GTF2A1L: variants seen among roughly 807,000 people sequenced by gnomAD.
GTF2A1L encodes TFIIA-alpha and beta-like factor.
A neutral mutation model predicts 49.7 loss-of-function variants in GTF2A1L; 48 were observed. The ratio of observed to expected loss-of-function variants is 0.97; its 90% CI spans 0.77 to 1.23. The LOEUF is 1.23. Ranked by LOEUF, GTF2A1L falls within the 50% of genes most tolerant of loss-of-function variation. The pLI is 0.00. For missense variants in GTF2A1L, 736 were observed against 564.8 expected, an observed-to-expected ratio of 1.30 and a Z score of -3.07; for synonymous variants, 246 against 193.5, an observed-to-expected ratio of 1.27 and a Z score of -2.25.
At chr2:48,658,973 G>T (rs1408196617) in intron 6 of GTF2A1L, among the ~76,000 whole-genome samples, 2 of 152,062 alleles carry the variant, frequency 1.3e-5, no homozygotes, top group Non-Finnish European at 2.9e-5. Flanking sequence ...ATATGAAATT[G>T]TTGGTTGGAA....
At chr2:48,637,032 G>A (rs962949766) in intron 3 of GTF2A1L, among the ~76,000 whole-genome samples, 11 of 152,188 alleles carry the variant, frequency 7.2e-5, no homozygotes, top group Non-Finnish European at 2.9e-5. Flanking sequence ...GGTGTAAACT[G>A]TATGTCCGAT....
At chr2:48,644,007 A>T (rs896957754) in intron 4 of GTF2A1L, among the ~76,000 whole-genome samples, 1 of 151,728 alleles carries the variant, frequency 6.6e-6, no homozygotes, top group African/African-American at 2.4e-5. Context: ...CCTGTACAAA[A>T]TTTTTTTAAA....
At chr2:48,678,517 T>C (rs148161487) in intron 8 of GTF2A1L, among the ~76,000 whole-genome samples, 269 of 152,218 alleles carry the variant, frequency 1.8e-3, no homozygotes, top group Admixed American at 3.1e-3. Flanking sequence ...TAAATTTTAC[T>C]CTTGATCTCA....
chr2:48,656,520 T>G (rs1412756929), intron 6 of GTF2A1L, among the ~76,000 whole-genome samples: 11 of 152,110 alleles, frequency 7.2e-5, no homozygotes, highest in Non-Finnish European at 1.5e-4. Flanking sequence ...TTCAAGTCCT[T>G]TGCCCATTTT....
intron 8 of GTF2A1L, among the ~76,000 whole-genome samples, chr2:48,678,798 C>T (rs1284321787): frequency 6.6e-6 from 1 of 151,930 alleles, no homozygotes; most frequent in Non-Finnish European, 1.5e-5. Context: ...TACATCTTCC[C>T]TGTTTATTCC....
chr2:48,647,070 A>G (rs1677561525), intron 6 of GTF2A1L, 28 bp downstream of exon 6: 3 of 1,536,952 alleles, frequency 2.0e-6, no homozygotes, highest in Non-Finnish European at 2.6e-6. Flanking sequence ...ACTTCTTGGT[A>G]TCAGGGGACA....
intron 6 of GTF2A1L, among the ~76,000 whole-genome samples, chr2:48,649,345 C>T (rs776759629): frequency 6.6e-6 from 1 of 152,026 alleles, no homozygotes; most frequent in Non-Finnish European, 1.5e-5. Flanking sequence ...CCTTCATCTC[C>T]ACTCCTAGTG....
In GTF2A1L at chr2:48,669,739, G is replaced by T. The variant is rs757333018; in HGVS notation, c.996G>T (p.Val332=). The stretch of plus-strand genomic sequence containing the variant: ...CTTTTTAGGATTCTAATTCTCAGGT[G>T]GATTTAAGCATTCGGGTTACTGATG... ...PVSEKDSNSQ[V]DLSIRVTDDD... is the part of the protein sequence containing the mutation. The change falls in exon 7 of 9, where the codon GTG becomes GTT. Residue 332 remains valine (V), a synonymous_variant. Transcript: ENST00000403751. 2 of 1,609,718 alleles carry T rather than the reference G, an allele frequency of 1.2e-6. No individual in the cohort carries two copies.
chr2:48,646,956 ATTC>A lies in GTF2A1L; in HGVS notation c.895_897del (p.Leu299del), dbSNP rs1172134839. The A allele has an allele frequency of 6.2e-7, 1 of 1,614,044 alleles. No individual in the cohort carries two copies. Among genetic ancestry groups the A allele is most frequent in the African/African-American group, 1.3e-5 (1 of 74,914 alleles). On this transcript the variant is annotated inframe_deletion, in exon 6 of 9. Transcript: ENST00000403751. ...GCACGTGACTGATATTCAGCTTCAT[ATTC>A]TTAAAAATAGGATGTATGGATGTGA... is the stretch of plus-strand genomic sequence containing the variant.
chr2:48,657,595 T>A (rs1232508105), intron 6 of GTF2A1L, among the ~76,000 whole-genome samples: 1 of 152,184 alleles, frequency 6.6e-6, no homozygotes, highest in African/African-American at 2.4e-5. Context: ...GTAGAAATAT[T>A]TCTTTTCCTT....
At chr2:48,659,906 A>G (rs1424165411) in intron 6 of GTF2A1L, among the ~76,000 whole-genome samples, 1 of 152,188 alleles carries the variant, frequency 6.6e-6, no homozygotes, top group Non-Finnish European at 1.5e-5. Flanking sequence ...TTTTCTACAT[A>G]TAAAGGCATA....
intron 3 of GTF2A1L, among the ~76,000 whole-genome samples, chr2:48,637,732 C>A (rs1398967375): frequency 1.3e-5 from 2 of 152,026 alleles, no homozygotes; most frequent in Non-Finnish European, 2.9e-5. Context: ...GCTGGCTAGA[C>A]TACTAAAGAG....
chr2:48,645,198 A>C (rs913816743), intron 5 of GTF2A1L, 81 bp downstream of exon 5: 33 of 1,233,756 alleles, frequency 2.7e-5, no homozygotes, highest in Non-Finnish European at 3.6e-5. Flanking sequence ...TTTTTAAATA[A>C]ACTATATACC....
At chr2:48,655,991 T>G (rs923828370) in intron 6 of GTF2A1L, among the ~76,000 whole-genome samples, 1 of 152,184 alleles carries the variant, frequency 6.6e-6, no homozygotes, top group Non-Finnish European at 1.5e-5. Context: ...TTCATCCATG[T>G]TGTAGCATGT....
In GTF2A1L at chr2:48,621,280, A is replaced by G. The variant is rs777144916; in HGVS notation, c.237A>G (p.Gln79=). ...CGCACAGCTTGCACCAAACATTGCA[A>G]TCGTCAACAGGTTGGATACCATTAG... The part of the protein sequence containing the change: ...QLPHSLHQTL[Q]SSTASLVIPA... The change falls in exon 3 of 9, where the codon CAA becomes CAG. Residue 79 remains glutamine (Q), a synonymous_variant. Coordinates refer to ENST00000403751, the MANE Select transcript of GTF2A1L (RefSeq NM_006872.5). The G allele has an allele frequency of 1.5e-5, 24 of 1,614,108 alleles. No homozygotes were observed. The East Asian group carries it at 4.9e-4, about 33-fold the overall frequency.
chr2:48,674,094 G>A (rs889558429), intron 8 of GTF2A1L, among the ~76,000 whole-genome samples: 8 of 152,060 alleles, frequency 5.3e-5, no homozygotes, highest in Non-Finnish European at 7.4e-5. Flanking sequence ...AGGTTTTTGC[G>A]TGGACATATG....
At chr2:48,627,125 A>C (rs1304187180) in intron 3 of GTF2A1L, among the ~76,000 whole-genome samples, 2 of 143,774 alleles carry the variant, frequency 1.4e-5, no homozygotes, top group East Asian at 3.9e-4. Context: ...CTGTTCCTAA[A>C]TTCAATCTGT....
intron 8 of GTF2A1L, among the ~76,000 whole-genome samples, chr2:48,678,070 A>G (rs1251074348): frequency 1.3e-5 from 2 of 151,586 alleles, no homozygotes; most frequent in Admixed American, 1.3e-4. Context: ...CAATAGTTTT[A>G]TTAAATACTT....
At chr2:48,629,521 G>A (rs1169718626) in intron 3 of GTF2A1L, among the ~76,000 whole-genome samples, 2 of 143,788 alleles carry the variant, frequency 1.4e-5, no homozygotes, top group African/African-American at 5.0e-5. Flanking sequence ...CAGTTTTGCA[G>A]CTGGGTCCCC....
Sources: gnomAD v4.1 joint callset for allele counts (sites outside exome capture counted in the v4.1 genomes callset) on GRCh38, gnomAD v4.1.1 for gene constraint, MANE v1.5 for transcripts, NCBI Gene and HGNC (gene_info 2026-07-23, HGNC 2026-07-21) for gene names.